Variants in UXT observed in about 807,000 individuals in gnomAD.
UXT encodes ubiquitously expressed prefoldin like chaperone.
For missense variants in UXT, 111 were observed against 132.7 expected (o/e 0.84, Z 0.80); for synonymous variants, 54 against 52.8 (o/e 1.02, Z -0.10).
intron 4 of UXT, among the ~76,000 whole-genome samples, chrX:47,652,768 CTG>C (rs10569343): frequency 0.087 from 9,719 of 111,083 alleles, 1,008 homozygotes; most frequent in African/African-American, 0.29. Flanking sequence ...GGGAGACAAA[CTG>C]TGTGAAGCCT....
chrX:47,657,316 TGGG>T, intron 3 of UXT, 26 bp from the exon 5 acceptor site: 1 of 1,109,475 alleles, frequency 9.0e-7, no homozygotes, highest in Non-Finnish European at 1.2e-6. Context: ...TTAGAGGAAG[TGGG>T]GAGAAGTCCT....
intron 4 of UXT, among the ~76,000 whole-genome samples, chrX:47,655,192 A>G (rs1008274004): frequency 4.5e-5 from 5 of 111,879 alleles, no homozygotes; most frequent in Admixed American, 2.8e-4. Flanking sequence ...AGGCAGGAGA[A>G]TCCCTTAAGC....
At position 47,654,505 on chromosome X, in the gene UXT, C is replaced by T. The variant is rs141573711; in HGVS notation, c.393-2361G>A. Among the ~76,000 whole-genome samples the T allele has an allele frequency of 8.7e-3, 964 of 110,984 alleles. 4 individuals are homozygous for T. The highest frequency in any genetic ancestry group is 0.037 in the Middle Eastern group (8 of 214). On this transcript the variant is annotated intron_variant, in intron 4 of 5. Coordinates refer to ENST00000335890, the MANE Select transcript of UXT (RefSeq NM_153477.3). ...ACAGGTGTGAGCCACCGCGCCCGGCCGTTAGGCTGTTTCTTCTATAATTAC... is the reference window on the plus strand; with the variant it reads ...ACAGGTGTGAGCCACCGCGCCCGGCTGTTAGGCTGTTTCTTCTATAATTAC...
chrX:47,657,272 G>A lies in UXT; in HGVS notation c.303C>T (p.Ile101=), dbSNP rs754488135. 5 of 1,202,507 alleles carry A rather than the reference G, an allele frequency of 4.2e-6. No individual in the cohort carries two copies. Among genetic ancestry groups the A allele is most frequent in the Admixed American group, 2.2e-5 (1 of 45,262 alleles). ...AAAAACCATATCCCAGGGCCACATA[G>A]ATGCGTGAAGTATCTGGGCTGAGGA... Residue 101 remains isoleucine (I), a synonymous_variant, in exon 4 of 6, where the codon ATC becomes ATT. Coordinates refer to ENST00000335890, the MANE Select transcript of UXT (RefSeq NM_153477.3).
At chrX:47,652,927 G>T (rs1330008261) in intron 4 of UXT, among the ~76,000 whole-genome samples, 1 of 112,119 alleles carries the variant, frequency 8.9e-6, no homozygotes. Context: ...TCGCCCAAAA[G>T]AATCCTAATT....
chrX:47,654,545 G>A (rs1339727312), intron 4 of UXT, among the ~76,000 whole-genome samples: 6 of 111,362 alleles, frequency 5.4e-5, no homozygotes, highest in Middle Eastern at 4.6e-3. Flanking sequence ...CTATTCATGA[G>A]ATGTGGATGT....
chrX:47,657,538 C>T (rs764760444), intron 3 of UXT, 34 bp downstream of exon 4: 19 of 1,192,140 alleles, frequency 1.6e-5, no homozygotes, highest in Non-Finnish European at 1.0e-5. Flanking sequence ...GTAAGCTGAA[C>T]CCTGTGGGCT....
chrX:47,656,656 T>A (rs2058084588), intron 4 of UXT, among the ~76,000 whole-genome samples: 1 of 111,126 alleles, frequency 9.0e-6, no homozygotes, highest in Non-Finnish European at 1.9e-5. Flanking sequence ...GAAAGAGCAG[T>A]GCAGGCAGAG....
rs1231789114 is a variant in UXT at position 47,651,899 on chromosome X, A to G, written c.457-4T>C. 1 of 1,209,566 alleles carries G rather than the reference A, an allele frequency of 8.3e-7. No homozygotes were observed. The highest frequency in any genetic ancestry group is 1.1e-6 in the Non-Finnish European group (1 of 894,698). ...GGCCTTGTAGTTCTCTAAGCCCCTG[A>G]AAAAGAGGACAGAAGAGATTGAACA... is the stretch of plus-strand genomic sequence containing the variant. On this transcript the variant is annotated splice_polypyrimidine_tract_variant and splice_region_variant and intron_variant, in intron 5 of 5. Coordinates refer to ENST00000335890, the MANE Select transcript of UXT (RefSeq NM_153477.3).
At chrX:47,652,040 C>T (rs777242740) in intron 5 of UXT, 41 bp downstream of exon 6, 1 of 1,196,511 alleles carries the variant, frequency 8.4e-7, no homozygotes, top group Non-Finnish European at 1.1e-6. Context: ...CAGGTCACCA[C>T]CCTAAACACA....
intron 4 of UXT, 157 bp downstream of exon 5, chrX:47,657,026 G>A (rs2058085818): frequency 2.2e-6 from 1 of 454,555 alleles, no homozygotes; most frequent in Non-Finnish European, 3.8e-6. Context: ...CTTATTATGT[G>A]CTACACATGG....
At chrX:47,654,185 G>T in intron 4 of UXT, 2 of 463,704 alleles carry the variant, frequency 4.3e-6, no homozygotes, top group Non-Finnish European at 5.3e-6. Flanking sequence ...ATGTAAGGCA[G>T]TGTGAATAGT....
chrX:47,656,463 G>A (rs1360547989), intron 4 of UXT, among the ~76,000 whole-genome samples: 1 of 112,200 alleles, frequency 8.9e-6, no homozygotes, highest in Non-Finnish European at 1.9e-5. Context: ...GACAACATGA[G>A]AAAGAAATTA....
intron 1 of UXT, 114 bp downstream of exon 2, chrX:47,658,716 G>A: frequency 3.1e-6 from 3 of 982,003 alleles, no homozygotes; most frequent in South Asian, 6.6e-5. Flanking sequence ...CAAGGAGCGC[G>A]GGGCCGGACT....
At chrX:47,657,687 G>T in intron 2 of UXT, 48 bp from the exon 4 acceptor site, 1 of 1,191,041 alleles carries the variant, frequency 8.4e-7, no homozygotes, top group African/African-American at 1.7e-5. Flanking sequence ...GAACTCTTAG[G>T]TCAGGTGACA....
intron 4 of UXT, among the ~76,000 whole-genome samples, chrX:47,652,936 T>C (rs1569342179): frequency 8.9e-6 from 1 of 111,983 alleles, no homozygotes; most frequent in East Asian, 2.8e-4. Context: ...AGAATCCTAA[T>C]TGATATAAAG....
chrX:47,659,102 G>C lies in UXT; in HGVS notation c.-139C>G. 1 of 984,255 alleles carries C rather than the reference G, an allele frequency of 1.0e-6. No homozygotes were observed. The highest frequency in any genetic ancestry group is 1.4e-6 in the Non-Finnish European group (1 of 707,933). 81.1% of individuals were successfully genotyped at this position (984,255 alleles called of 1,213,427 possible). Reference sequence around the variant, plus strand: ...GACCCGACCACCCAGGGACACCCAAGCGCGGCCTTTACCTCAGGCCGCCAG... The same window carrying C: ...GACCCGACCACCCAGGGACACCCAACCGCGGCCTTTACCTCAGGCCGCCAG... On this transcript the variant is annotated 5_prime_UTR_variant, in exon 1 of 6. Coordinates refer to ENST00000335890, the MANE Select transcript of UXT (RefSeq NM_153477.3).
chrX:47,653,753 C>T (rs769398952), intron 4 of UXT, among the ~76,000 whole-genome samples: 99 of 111,562 alleles, frequency 8.9e-4, no homozygotes, highest in African/African-American at 3.2e-3. Context: ...CTGCTCTATC[C>T]CCAGGGACCA....
chrX:47,654,856 G>C (rs2058078864), intron 4 of UXT, among the ~76,000 whole-genome samples: 1 of 112,298 alleles, frequency 8.9e-6, no homozygotes, highest in East Asian at 2.8e-4. Context: ...ACATCAAAAA[G>C]ACCAGGCAAG....
Sources: allele counts gnomAD v4.1 joint callset (sites outside exome capture counted in the v4.1 genomes callset), GRCh38; gene constraint gnomAD v4.1.1; transcripts MANE v1.5; gene names NCBI Gene and HGNC (gene_info 2026-07-23, HGNC 2026-07-21).